Variants in PTK2B observed in about 807,000 individuals in gnomAD.
PTK2B encodes protein-tyrosine kinase 2-beta.
PTK2B carries 71 observed loss-of-function variants against 142.9 expected under a neutral mutation model. That is an observed-to-expected ratio of 0.50 (90% CI 0.41 to 0.61). The LOEUF is 0.61. Among genes scored for constraint, PTK2B ranks in the 20% least tolerant of loss-of-function variants. The pLI is 0.00. For synonymous variants in PTK2B, 519 were observed against 503.4 expected (o/e 1.03, Z -0.42); for missense variants, 1,105 against 1,320.4 (o/e 0.84, Z 2.53).
chr8:27,317,772 CT>C (rs1415887131), intron 3 of PTK2B, among the ~76,000 whole-genome samples: 1 of 152,166 alleles, frequency 6.6e-6, no homozygotes, highest in African/African-American at 2.4e-5. Flanking sequence ...TGCTCGGCCC[CT>C]GTAGGCATTT....
At chr8:27,361,918 C>T (rs117100436) in intron 1 of PTK2B, among the ~76,000 whole-genome samples, 1,530 of 152,276 alleles carry the variant, frequency 0.01, 55 homozygotes, top group East Asian at 0.092. Flanking sequence ...TTCTCATCCT[C>T]CTAGTCATCA....
rs1334318265 is a variant in PTK2B, at chr8:27,325,678, C to T, written c.-41C>T. ...AGTAGTCGCTGGAGTCCGCGCCTCC[C>T]TGGGTGAGTCCCTCCCGCGAGCCAG... On this transcript the variant is annotated 5_prime_UTR_variant, in exon 1 of 31. Coordinates refer to ENST00000346049, the MANE Select transcript of PTK2B (RefSeq NM_173176.3). 6.6e-6 allele frequency: 1 copy of T among 152,334 alleles called. No homozygotes were observed. The highest frequency in any genetic ancestry group is 2.4e-5 in the African/African-American group (1 of 41,472). The allele number at this position is 152,334 out of a possible 1,614,324, so 9.4% of individuals were successfully genotyped here.
chr8:27,351,542 A>G (rs963553632), intron 1 of PTK2B, among the ~76,000 whole-genome samples: 2 of 152,182 alleles, frequency 1.3e-5, no homozygotes, highest in African/African-American at 4.8e-5. Flanking sequence ...ACTGGTCCTA[A>G]TGGATTCCAT....
chr8:27,386,023 A>G (rs535176437), intron 1 of PTK2B, among the ~76,000 whole-genome samples: 2 of 152,172 alleles, frequency 1.3e-5, no homozygotes, highest in Non-Finnish European at 2.9e-5. Context: ...AAATAACAAT[A>G]TTATAACTGA....
chr8:27,453,146 A>G lies in PTK2B; in HGVS notation c.2581A>G (p.Arg861Gly). Residue 861 changes from arginine to glycine, a missense_variant, in exon 28 of 31, where the codon AGG becomes GGG. Physicochemically the swap from Arg to Gly is moderately radical, Grantham distance 125. Coordinates refer to ENST00000346049, the MANE Select transcript of PTK2B (RefSeq NM_173176.3). ...EFTGPPQKPP[R>G]LGAQSIQPTA... ...CACAGGGCCCCCACAGAAGCCCCCG[A>G]GGCTGGGCGCACAGGTATGTGTTGG... The G allele has an allele frequency of 6.2e-7, 1 of 1,614,184 alleles. No homozygotes were observed. The highest frequency in any genetic ancestry group is 1.3e-5 in the African/African-American group (1 of 75,034).
At chr8:27,320,980 CTTTTTTTTT>C (rs776395346), upstream of PTK2B, among the ~76,000 whole-genome samples, 100 of 39,390 alleles carry the variant, frequency 2.5e-3, no homozygotes, top group Non-Finnish European at 3.6e-3. Context: ...ATACAAAAGG[CTTTTTTTTT>C]TTTTTTTTTT....
chr8:27,353,429 C>T (rs1254889165), intron 1 of PTK2B, among the ~76,000 whole-genome samples: 1 of 152,184 alleles, frequency 6.6e-6, no homozygotes, highest in Non-Finnish European at 1.5e-5. Flanking sequence ...GAAATTTTCT[C>T]CTCCTTGTCC....
chr8:27,365,395 A>C (rs976714266), intron 1 of PTK2B, among the ~76,000 whole-genome samples: 5 of 152,206 alleles, frequency 3.3e-5, no homozygotes, highest in African/African-American at 1.2e-4. Flanking sequence ...CAGGAGACCC[A>C]TGACACCTTA....
At chr8:27,433,943 C>G in intron 11 of PTK2B, 150 bp from the exon 12 acceptor site, 1 of 1,098,698 alleles carries the variant, frequency 9.1e-7, no homozygotes, top group Non-Finnish European at 1.4e-6. Flanking sequence ...ACTTCTGGCC[C>G]AAGGCCTCAC....
At chr8:27,428,146 A>T (rs373880285) in intron 5 of PTK2B, among the ~76,000 whole-genome samples, 1 of 152,162 alleles carries the variant, frequency 6.6e-6, no homozygotes. Flanking sequence ...TGAAACCTAG[A>T]TCCCTCACAT....
intron 4 of PTK2B, among the ~76,000 whole-genome samples, chr8:27,421,000 C>T (rs1227749397): frequency 6.6e-6 from 1 of 152,190 alleles, no homozygotes; most frequent in Non-Finnish European, 1.5e-5. Flanking sequence ...CCCAGGAGAC[C>T]TGGCTAGTGA....
chr8:27,378,140 T>C (rs780254045), intron 1 of PTK2B, among the ~76,000 whole-genome samples: 2 of 152,208 alleles, frequency 1.3e-5, no homozygotes, highest in African/African-American at 2.4e-5. Context: ...TTCTTTCTGC[T>C]TTTCTCTCCC....
intron 1 of PTK2B, among the ~76,000 whole-genome samples, chr8:27,355,602 A>G (rs551524568): frequency 6.6e-6 from 1 of 152,322 alleles, no homozygotes; most frequent in South Asian, 2.1e-4. Context: ...CAATACAGCT[A>G]CCTTTCTGGA....
At position 27,445,906 on chromosome 8, in the gene PTK2B, G is replaced by A. The variant is rs544742483; in HGVS notation, c.2327G>A (p.Arg776His). ...PPLHRHNVFK[R>H]HSMREEDFIQ... The stretch of plus-strand genomic sequence containing the variant: ...CTCCACCGGCACAATGTCTTCAAAC[G>A]CCACAGCATGCGGGTAAGAGGGCTC... Residue 776 changes from arginine to histidine, a missense_variant, in exon 24 of 31, where the codon CGC (arginine) becomes CAC (histidine). Transcript: ENST00000346049. The A allele has an allele frequency of 5.6e-6, 9 of 1,613,588 alleles. No individual in the cohort carries two copies. The highest frequency in any genetic ancestry group is 2.2e-5 in the South Asian group (2 of 91,080).
Position 27,363,636 on chromosome 8 carries a change from A to G in PTK2B, c.-37-33912A>G, listed in dbSNP as rs186607577. 6.6e-6 allele frequency among the ~76,000 whole-genome samples: 1 copy of G among 152,040 alleles called. No homozygotes were observed. The highest frequency in any genetic ancestry group is 1.9e-4 in the East Asian group (1 of 5,176). On this transcript the variant is annotated intron_variant, in intron 1 of 30. Coordinates refer to ENST00000346049, the MANE Select transcript of PTK2B (RefSeq NM_173176.3). The surrounding 1 kb of genome is among the most constrained non-coding windows in gnomAD (Gnocchi z 4.3). Reference sequence around the variant, plus strand: ...TGGGTCTACCCCTGCCCTTCTTGCAAGTCCTCCTTTTTCTCATCATGGACC... The same window carrying G: ...TGGGTCTACCCCTGCCCTTCTTGCAGGTCCTCCTTTTTCTCATCATGGACC...
chr8:27,422,179 T>C (rs1003093595), intron 4 of PTK2B, 125 bp from the exon 5 acceptor site: 2 of 836,384 alleles, frequency 2.4e-6, no homozygotes, highest in African/African-American at 1.8e-5. Flanking sequence ...TCCATGCTTG[T>C]TTGTGGTGGG....
At chr8:27,320,906 C>T (rs545664082), upstream of PTK2B, among the ~76,000 whole-genome samples, 2 of 150,788 alleles carry the variant, frequency 1.3e-5, no homozygotes, top group East Asian at 3.9e-4. Flanking sequence ...TTCTGATGAC[C>T]AGCCCTCATC....
rs1467804356 is a variant in PTK2B at position 27,363,247 on chromosome 8, G to A, written c.-37-34301G>A. ...TGAGGGAGAGAGGGGAGCCAGAGAGGACGTCTCGTGAGAAGTGTTTGGAGG... is the reference window on the plus strand; with the variant it reads ...TGAGGGAGAGAGGGGAGCCAGAGAGAACGTCTCGTGAGAAGTGTTTGGAGG... On this transcript the variant is annotated intron_variant, in intron 1 of 30. Transcript: ENST00000346049. This position sits in a 1 kb window ranked among gnomAD's most constrained non-coding sequence, Gnocchi z 4.3. Among the ~76,000 whole-genome samples the A allele has an allele frequency of 6.6e-6, 1 of 152,142 alleles. No individual in the cohort carries two copies. Among genetic ancestry groups the A allele is most frequent in the Non-Finnish European group, 1.5e-5 (1 of 68,024 alleles).
At chr8:27,401,864 A>G (rs1452295670) in intron 2 of PTK2B, among the ~76,000 whole-genome samples, 1 of 152,116 alleles carries the variant, frequency 6.6e-6, no homozygotes, top group Non-Finnish European at 1.5e-5. Context: ...AATTAAGATT[A>G]TAGCCATGGG....
Sources: gnomAD v4.1 joint callset for allele counts (sites outside exome capture counted in the v4.1 genomes callset) on GRCh38, gnomAD v4.1.1 for gene constraint, Gnocchi (gnomAD v3.1) non-coding constraint, MANE v1.5 for transcripts, NCBI Gene and HGNC (gene_info 2026-07-23, HGNC 2026-07-21) for gene names.